Variants in NSD2 observed in about 807,000 individuals in gnomAD.
The protein encoded by NSD2 is nuclear receptor binding SET domain protein 2.
A neutral mutation model predicts 139.0 loss-of-function variants in NSD2; 12 were observed. The observed-to-expected ratio is 0.09, with a 90% CI of 0.06 to 0.14. The LOEUF is 0.14. NSD2 is among the 10% of genes least tolerant of loss of function. NSD2 has a pLI of 1.00. For missense variants in NSD2, 1,155 were observed against 1,745.0 expected, an observed-to-expected ratio of 0.66 and a Z score of 6.02; for synonymous variants, 669 against 648.7, an observed-to-expected ratio of 1.03 and a Z score of -0.48.
intron 18 of NSD2, among the ~76,000 whole-genome samples, chr4:1,970,069 G>A (rs1313184637): frequency 1.3e-5 from 2 of 152,192 alleles, no homozygotes; most frequent in Non-Finnish European, 2.9e-5. Flanking sequence ...GAAAGAGAAG[G>A]ATGCGAGTGA....
At position 1,955,433 on chromosome 4, in the gene NSD2, A is replaced by G. The variant is rs991731383; in HGVS notation, c.2518+93A>G. 3 of 1,449,594 alleles carry G rather than the reference A, an allele frequency of 2.1e-6. No individual in the cohort carries two copies. The highest frequency in any genetic ancestry group is 2.8e-6 in the Non-Finnish European group (3 of 1,088,534). 89.8% of individuals were successfully genotyped at this position (1,449,594 alleles called of 1,614,324 possible). On this transcript the variant is annotated intron_variant, in intron 13 of 21. Coordinates refer to ENST00000508803, the MANE Select transcript of NSD2 (RefSeq NM_001042424.3). This position sits in a 1 kb window ranked among gnomAD's most constrained non-coding sequence, Gnocchi z 4.7. ...CTCATTCCTTGTCTGCGCTGTGTTC[A>G]TTGATGTTGACAGTGTTCTGTGCGT...
intron 5 of NSD2, among the ~76,000 whole-genome samples, chr4:1,928,807 A>C (rs1281962876): frequency 1.3e-5 from 2 of 152,054 alleles, no homozygotes; most frequent in Non-Finnish European, 2.9e-5. Context: ...GGTGAGAGGC[A>C]GATGTGTTGT....
In NSD2 at chr4:1,955,297, C is replaced by G. The variant is rs748922675; in HGVS notation, c.2475C>G (p.His825Gln). 1.5e-5 allele frequency: 24 copies of G among 1,613,786 alleles called. No homozygotes were observed. The highest frequency in any genetic ancestry group is 4.0e-5 in the African/African-American group (3 of 74,932). Residue 825 changes from histidine (H) to glutamine (Q), a missense_variant, in exon 13 of 22, where the codon CAC (histidine) becomes CAG (glutamine). His to Gln is a conservative substitution (Grantham distance 24, BLOSUM62 0). Transcript: ENST00000508803. The surrounding 1 kb of genome is among the most constrained non-coding windows in gnomAD (Gnocchi z 4.7). ...AHFTARKGKRHHAHVNVSWCF... is the reference protein window; with the variant it reads ...AHFTARKGKRQHAHVNVSWCF... ...TCACTGCTCGGAAGGGGAAGCGACACCACGCCCACGTCAACGTGAGCTGGT... is the reference window on the plus strand; with the variant it reads ...TCACTGCTCGGAAGGGGAAGCGACAGCACGCCCACGTCAACGTGAGCTGGT...
chr4:1,934,863 AAAAAAAAAAAAAAAAAT>A (rs1216299116), intron 6 of NSD2, among the ~76,000 whole-genome samples: 6 of 100,136 alleles, frequency 6.0e-5, no homozygotes, highest in African/African-American at 8.9e-5. Context: ...AAAAAAAAAA[AAAAAAAAAAAAAAAAAT>A]ATATATATAT....
chr4:1,941,395 A>G (rs1422925931), intron 9 of NSD2: 1 of 1,049,836 alleles, frequency 9.5e-7, no homozygotes, highest in Admixed American at 5.5e-5. Flanking sequence ...ATCCTAAGTC[A>G]TGTATATCGA....
chr4:1,965,051 CAAAAA>C lies in NSD2; in HGVS notation c.3372+3920_3372+3924del, dbSNP rs555374240. Reference sequence around the variant, plus strand: ...TAGACTTAACATGTCCAGTGTTCAGCAAAAAAAAAAAAAAAAAAAAAAAAGCCTAC... The same window carrying C: ...TAGACTTAACATGTCCAGTGTTCAGCAAAAAAAAAAAAAAAAAAAGCCTAC... On this transcript the variant is annotated intron_variant, in intron 18 of 21. Transcript: ENST00000508803. Among the ~76,000 whole-genome samples the C allele has an allele frequency of 4.7e-4, 22 of 47,178 alleles. No individual in the cohort carries two copies. In the South Asian group the frequency reaches 0.012, roughly 25 times the overall value. The allele number at this position is 47,178 out of a possible 152,430, so 31.0% of individuals were successfully genotyped here. A position where few individuals can be genotyped will look rare whatever the true frequency, so the allele number is the denominator to read the frequency against.
At chr4:1,975,561 C>A in intron 20 of NSD2, 161 bp downstream of exon 20, 1 of 624,770 alleles carries the variant, frequency 1.6e-6, no homozygotes, top group Non-Finnish European at 2.8e-6. Flanking sequence ...TGGCTCTCAA[C>A]AAAGGCCAGT....
At chr4:1,929,257 G>C (rs1324155716) in intron 5 of NSD2, among the ~76,000 whole-genome samples, 1 of 152,148 alleles carries the variant, frequency 6.6e-6, no homozygotes, top group African/African-American at 2.4e-5. Flanking sequence ...AGCCGTCTGT[G>C]GTGACTGTCT....
At position 1,918,593 on chromosome 4, in the gene NSD2, T is replaced by A; in HGVS notation, c.1380T>A (p.Phe460Leu). The change falls in exon 5 of 22, where the codon TTT (phenylalanine) becomes TTA (leucine). Residue 460 changes from phenylalanine (F) to leucine (L), a missense_variant. Transcript: ENST00000508803. ...RSRKGDAASQFLVFCQKHRDE... is the reference protein window; with the variant it reads ...RSRKGDAASQLLVFCQKHRDE... ...GGAAGGGAGATGCAGCATCCCAGTT[T>A]TTGGTCTTCTGTCAAAAACACAGGG... The A allele has an allele frequency of 1.9e-6, 3 of 1,613,788 alleles. No individual in the cohort carries two copies. Among genetic ancestry groups the A allele is most frequent in the Non-Finnish European group, 2.5e-6 (3 of 1,179,986 alleles).
At chr4:1,943,938 G>A (rs1181041830) in intron 9 of NSD2, 1 of 1,064,288 alleles carries the variant, frequency 9.4e-7, no homozygotes, top group Non-Finnish European at 1.1e-6. Context: ...AAGTCAGCCA[G>A]CGCATAGGTG....
Position 1,958,645 on chromosome 4 carries a change from A to G in NSD2, c.2985+609A>G, listed in dbSNP as rs1325378578. 6.6e-6 allele frequency among the ~76,000 whole-genome samples: 1 copy of G among 152,256 alleles called. No individual in the cohort carries two copies. Among genetic ancestry groups the G allele is most frequent in the Non-Finnish European group, 1.5e-5 (1 of 68,040 alleles). Reference sequence around the variant, plus strand: ...TTGTGATAAGTGTGTGCCGGAGGTCAGGTGCTCTGCCTTTGCTTGTAAAAT... The same window carrying G: ...TTGTGATAAGTGTGTGCCGGAGGTCGGGTGCTCTGCCTTTGCTTGTAAAAT... On this transcript the variant is annotated intron_variant, in intron 16 of 21. Transcript: ENST00000508803. The surrounding 1 kb of genome is among the most constrained non-coding windows in gnomAD (Gnocchi z 4.6).
At chr4:1,878,861 A>G (rs1354236862) in intron 1 of NSD2, among the ~76,000 whole-genome samples, 1 of 152,124 alleles carries the variant, frequency 6.6e-6, no homozygotes, top group Non-Finnish European at 1.5e-5. Context: ...GACAGGTGGG[A>G]GAGAATGAGC....
At chr4:1,900,551 A>G in intron 1 of NSD2, 75 bp from the exon 2 acceptor site, 2 of 940,962 alleles carry the variant, frequency 2.1e-6, no homozygotes, top group Non-Finnish European at 3.1e-6. Context: ...AAAGCTGTAG[A>G]GGTCCTGGCA....
chr4:1,903,176 C>G (rs939681063), intron 2 of NSD2, among the ~76,000 whole-genome samples: 2 of 152,186 alleles, frequency 1.3e-5, no homozygotes, highest in Non-Finnish European at 2.9e-5. Context: ...CTTCAGCTTA[C>G]AGGTGAGAAA....
intron 6 of NSD2, among the ~76,000 whole-genome samples, chr4:1,933,480 G>GCAA (rs1721921997): frequency 6.6e-6 from 1 of 152,118 alleles, no homozygotes; most frequent in South Asian, 2.1e-4. Flanking sequence ...AGCTCCGCCT[G>GCAA]GCGGGTTCAT....
Position 1,895,717 on chromosome 4 carries a change from C to T in NSD2, c.-29-4909C>T, listed in dbSNP as rs144841368. On this transcript the variant is annotated intron_variant, in intron 1 of 21. Transcript: ENST00000508803. ...GGCTCTCCCGGGGAGAGGGGGGCTC[C>T]CCATGAGCAGTTCTCAGGTTTCCCT... Among the ~76,000 whole-genome samples, 436 of 152,320 alleles carry T rather than the reference C, an allele frequency of 2.9e-3. 2 individuals are homozygous for T. The highest frequency in any genetic ancestry group is 1.0e-2 in the African/African-American group (415 of 41,574).
chr4:1,967,627 A>G (rs1438633285), intron 18 of NSD2, among the ~76,000 whole-genome samples: 2 of 152,202 alleles, frequency 1.3e-5, no homozygotes, highest in Non-Finnish European at 2.9e-5. Flanking sequence ...TTACTGGGAC[A>G]TAGCCCCATT....
chr4:1,932,439 C>CAA (rs776037394), intron 6 of NSD2, among the ~76,000 whole-genome samples: 37 of 65,394 alleles, frequency 5.7e-4, no homozygotes, highest in South Asian at 1.5e-3. Context: ...AGTCAATCTC[C>CAA]AAAAAAAAAA....
chr4:1,896,361 A>AT (rs986870945), intron 1 of NSD2, among the ~76,000 whole-genome samples: 1 of 152,082 alleles, frequency 6.6e-6, no homozygotes, highest in Non-Finnish European at 1.5e-5. Flanking sequence ...AGACCTGGAG[A>AT]TTCTCTCTAT....
Sources: allele counts gnomAD v4.1 joint callset (sites outside exome capture counted in the v4.1 genomes callset), GRCh38; gene constraint gnomAD v4.1.1; non-coding constraint Gnocchi (gnomAD v3.1); transcripts MANE v1.5; gene names NCBI Gene and HGNC (gene_info 2026-07-23, HGNC 2026-07-21).